Variants in SLC25A29 observed in about 807,000 individuals in gnomAD.
The protein encoded by SLC25A29 is mitochondrial basic amino acids transporter.
Under a neutral mutation model 10.0 loss-of-function variants are expected in SLC25A29, and 13 were observed. The ratio of observed to expected loss-of-function variants is 1.30; its 90% CI spans 0.85 to 2.07. SLC25A29 has a LOEUF of 2.07. Ranked by LOEUF, SLC25A29 falls within the 30% of genes most tolerant of loss-of-function variation. SLC25A29 has a pLI of 0.00. For missense variants in SLC25A29, 475 were observed against 447.6 expected, an observed-to-expected ratio of 1.06 and a Z score of -0.55; for synonymous variants, 244 against 221.1, an observed-to-expected ratio of 1.10 and a Z score of -0.92.
At position 100,297,075 on chromosome 14, in the gene SLC25A29, C is replaced by A. The variant is rs560668816; in HGVS notation, c.78+1767G>T. Among the ~76,000 whole-genome samples, 9 of 152,288 alleles carry A rather than the reference C, an allele frequency of 5.9e-5. No individual in the cohort carries two copies. The East Asian group carries it at 1.7e-3, about 29-fold the overall frequency. On this transcript the variant is annotated intron_variant, in intron 2 of 3. Coordinates refer to ENST00000359232, the MANE Select transcript of SLC25A29 (RefSeq NM_001039355.3). Reference sequence around the variant, plus strand: ...TAAGCCAAGGTCGCGCCACTGCACTCCAAACTGAGTGACAGACACAGACTC... The same window carrying A: ...TAAGCCAAGGTCGCGCCACTGCACTACAAACTGAGTGACAGACACAGACTC...
chr14:100,298,584 G>A (rs1892327555), intron 2 of SLC25A29: 1 of 573,152 alleles, frequency 1.7e-6, no homozygotes, highest in Non-Finnish European at 3.1e-6. Flanking sequence ...GGGTGCCCTT[G>A]CTCTGGGTGG....
At chr14:100,294,831 C>T (rs1395521429) in intron 2 of SLC25A29, 1 of 152,194 alleles carries the variant, frequency 6.6e-6, no homozygotes, top group African/African-American at 2.4e-5. Flanking sequence ...TCTCAGTACC[C>T]CCAGGACCTC....
At chr14:100,290,254 G>T (rs1490592114), downstream of SLC25A29, among the ~76,000 whole-genome samples, 1 of 152,256 alleles carries the variant, frequency 6.6e-6, no homozygotes, top group Non-Finnish European at 1.5e-5. Flanking sequence ...AGAGGCAAAG[G>T]GGCTGCCAAA....
rs756226781 is a variant in SLC25A29, at chr14:100,292,647, G to A, written c.548C>T (p.Pro183Leu). 2.3e-5 allele frequency: 37 copies of A among 1,595,068 alleles called. No individual in the cohort carries two copies. The highest frequency in any genetic ancestry group is 5.4e-5 in the African/African-American group (4 of 74,700). Residue 183 changes from proline to leucine, a missense_variant, in exon 4 of 4, where the codon CCG becomes CTG. Transcript: ENST00000359232. ...DALTRALGCE[P>L]GDRLLVPKLL... The stretch of plus-strand genomic sequence containing the variant: ...CTTGGGCACCAGCAGGCGGTCGCCC[G>A]GCTCGCAGCCCAGCGCCCGCGTGAG...
intron 3 of SLC25A29, 44 bp from the exon 4 acceptor site, chr14:100,293,076 C>A: frequency 6.7e-7 from 1 of 1,487,154 alleles, no homozygotes; most frequent in East Asian, 2.4e-5. Flanking sequence ...CGCGCACCTC[C>A]CGGGCCCTCC....
rs1478969594 is a variant in SLC25A29, at chr14:100,292,166, T to C, written c.*117A>G. ...GCTGATCAGCAAAATTCAGCCCACG[T>C]CTGATAGACTCCACAGCTCGCAGCA... On this transcript the variant is annotated 3_prime_UTR_variant, in exon 4 of 4. Coordinates refer to ENST00000359232, the MANE Select transcript of SLC25A29 (RefSeq NM_001039355.3). 2 of 1,377,288 alleles carry C rather than the reference T, an allele frequency of 1.5e-6. No individual in the cohort carries two copies. Among genetic ancestry groups the C allele is most frequent in the Non-Finnish European group, 2.0e-6 (2 of 1,008,940 alleles). 85.3% of individuals were successfully genotyped at this position (1,377,288 alleles called of 1,614,324 possible).
intron 2 of SLC25A29, chr14:100,295,526 C>T: frequency 8.2e-7 from 1 of 1,218,404 alleles, no homozygotes; most frequent in Admixed American, 2.6e-5. Flanking sequence ...TGCCTCACAC[C>T]CTCCCTGTCC....
the SLC25A29 span, chr14:100,279,828 G>T: frequency 6.6e-6 from 1 of 152,324 alleles, no homozygotes; most frequent in Non-Finnish European, 1.5e-5. Context: ...AGGGCCCACC[G>T]CAGAGCACAC....
chr14:100,283,936 C>T, the SLC25A29 span, among the ~76,000 whole-genome samples: 1 of 152,096 alleles, frequency 6.6e-6, no homozygotes, highest in Non-Finnish European at 1.5e-5. Context: ...GGCCGGAGTG[C>T]AGTGGCACGA....
Position 100,292,994 on chromosome 14 carries a change from C to T in SLC25A29, c.201G>A (p.Met67Ile). ...GLYKGLGSPL[M>I]GLTFINALVF... The stretch of plus-strand genomic sequence containing the variant: ...CCAGCGCGTTGATGAAGGTGAGCCC[C>T]ATGAGCGGCGAGCCCAGGCCCTTGT... Residue 67 changes from methionine to isoleucine, a missense_variant, in exon 4 of 4, where the codon ATG becomes ATA. Transcript: ENST00000359232. 1 of 1,586,492 alleles carries T rather than the reference C, an allele frequency of 6.3e-7. No individual in the cohort carries two copies. Among genetic ancestry groups the T allele is most frequent in the Non-Finnish European group, 8.6e-7 (1 of 1,167,130 alleles).
chr14:100,283,874 T>TTTTA, the SLC25A29 span, among the ~76,000 whole-genome samples: 4 of 151,920 alleles, frequency 2.6e-5, no homozygotes, highest in African/African-American at 7.3e-5. Flanking sequence ...TAATTTTTTA[T>TTTTA]TTTATTTATT....
chr14:100,303,157 C>T (rs190572660), intron 1 of SLC25A29, among the ~76,000 whole-genome samples: 2 of 152,380 alleles, frequency 1.3e-5, no homozygotes, highest in East Asian at 1.9e-4. Context: ...CTCTTTTCCA[C>T]TTCAGCTTTT....
At chr14:100,293,663 A>G (rs1347380763) in intron 2 of SLC25A29, 12 of 418,414 alleles carry the variant, frequency 2.9e-5, no homozygotes, top group Middle Eastern at 1.3e-3. Flanking sequence ...CTATGGCTGC[A>G]CAGTGCACTG....
the SLC25A29 span, among the ~76,000 whole-genome samples, chr14:100,283,550 A>G: frequency 1.4e-5 from 2 of 147,618 alleles, no homozygotes; most frequent in East Asian, 2.1e-4. Flanking sequence ...GTGGCGCGCA[A>G]TCTCAGCTCA....
intron 1 of SLC25A29, chr14:100,299,194 CT>C (rs1229982350): frequency 7.9e-7 from 1 of 1,272,928 alleles, no homozygotes; most frequent in Non-Finnish European, 9.9e-7. Context: ...AAGTTGTCCC[CT>C]GGGAGGCTGC....
chr14:100,305,137 CACA>C (rs921045152), intron 1 of SLC25A29: 1 of 152,182 alleles, frequency 6.6e-6, no homozygotes, highest in African/African-American at 2.4e-5. Context: ...CCCCTCAGCG[CACA>C]ACACCTCCCC....
At chr14:100,299,965 T>C (rs1892430098) in intron 1 of SLC25A29, 1 of 985,374 alleles carries the variant, frequency 1.0e-6, no homozygotes, top group East Asian at 1.1e-4. Context: ...TAACATCCTA[T>C]CCATCCTTTA....
chr14:100,279,340 A>G, the SLC25A29 span: 13 of 152,200 alleles, frequency 8.5e-5, no homozygotes, highest in Admixed American at 5.9e-4. Flanking sequence ...CACATAGCCC[A>G]TTGTCTTAGA....
the SLC25A29 span, among the ~76,000 whole-genome samples, chr14:100,283,477 G>A: frequency 4.6e-5 from 7 of 150,924 alleles, no homozygotes; most frequent in Admixed American, 4.0e-4. Flanking sequence ...TAAAGCTTTG[G>A]AATTGCTTTT....
Sources: allele counts gnomAD v4.1 joint callset (sites outside exome capture counted in the v4.1 genomes callset), GRCh38; gene constraint gnomAD v4.1.1; transcripts MANE v1.5; gene names NCBI Gene and HGNC (gene_info 2026-07-23, HGNC 2026-07-21).